PDGFD: variants seen among roughly 807,000 people sequenced by gnomAD.
PDGFD encodes the protein platelet derived growth factor D, also known as platelet-derived growth factor D.
In PDGFD, 30 loss-of-function variants were observed where a neutral mutation model predicts 44.7. The observed-to-expected ratio is 0.67, with a 90% CI of 0.50 to 0.91. PDGFD has a LOEUF of 0.91. Among genes scored for constraint, PDGFD ranks in the 40% least tolerant of loss-of-function variants. PDGFD has a pLI of 0.00. For synonymous variants in PDGFD, 173 were observed against 168.4 expected (o/e 1.03, Z -0.21); for missense variants, 445 against 457.8 (o/e 0.97, Z 0.25).
intron 1 of PDGFD, among the ~76,000 whole-genome samples, chr11:104,120,417 A>T (rs1861760873): frequency 6.6e-6 from 1 of 151,882 alleles, no homozygotes. Flanking sequence ...CTAGTTTAAA[A>T]TTGTCATTCC....
At chr11:104,055,770 A>G (rs1183576557) in intron 1 of PDGFD, among the ~76,000 whole-genome samples, 1 of 152,166 alleles carries the variant, frequency 6.6e-6, no homozygotes, top group African/African-American at 2.4e-5. Flanking sequence ...CTAATGTGCT[A>G]TAGAAATTAC....
intron 1 of PDGFD, among the ~76,000 whole-genome samples, chr11:104,032,192 C>CA (rs1253991357): frequency 4.6e-5 from 7 of 151,166 alleles, no homozygotes; most frequent in East Asian, 1.9e-4. Flanking sequence ...ACAACAACAA[C>CA]AACAAAAATA....
At chr11:104,035,561 C>CTTTTTTTTTTTT (rs3050598) in intron 1 of PDGFD, among the ~76,000 whole-genome samples, 2 of 115,286 alleles carry the variant, frequency 1.7e-5, no homozygotes. Context: ...ACTTCTTTTT[C>CTTTTTTTTTTTT]TTTTTTTTTT....
intron 3 of PDGFD, among the ~76,000 whole-genome samples, chr11:103,961,184 A>C (rs1018929606): frequency 9.2e-5 from 14 of 152,314 alleles, no homozygotes; most frequent in African/African-American, 3.4e-4. Context: ...CATTCAATAA[A>C]TAGTGTTGCA....
At chr11:103,985,286 C>G (rs1253210318) in intron 3 of PDGFD, among the ~76,000 whole-genome samples, 1 of 150,304 alleles carries the variant, frequency 6.7e-6, no homozygotes, top group East Asian at 1.9e-4. Flanking sequence ...ATTGTAACCT[C>G]AAACTTGGGC....
intron 1 of PDGFD, among the ~76,000 whole-genome samples, chr11:104,086,399 C>T (rs1861131542): frequency 6.6e-6 from 1 of 152,106 alleles, no homozygotes; most frequent in South Asian, 2.1e-4. Context: ...TTTTTTTCCC[C>T]AGCTTCTTCC....
chr11:103,952,600 T>A (rs1858776122), intron 3 of PDGFD, among the ~76,000 whole-genome samples: 1 of 152,156 alleles, frequency 6.6e-6, no homozygotes, highest in Non-Finnish European at 1.5e-5. Flanking sequence ...CCAAATGAGT[T>A]GTCCAGCATC....
intron 3 of PDGFD, among the ~76,000 whole-genome samples, chr11:103,990,929 G>C (rs2134359026): frequency 6.6e-6 from 1 of 152,132 alleles, no homozygotes; most frequent in Admixed American, 6.6e-5. Flanking sequence ...CAAGAGGTCA[G>C]GAGGTCGAGA....
intron 1 of PDGFD, among the ~76,000 whole-genome samples, chr11:104,003,472 A>G (rs1859650320): frequency 6.6e-6 from 1 of 152,194 alleles, no homozygotes; most frequent in South Asian, 2.1e-4. Flanking sequence ...TAGGAACTAG[A>G]GGTGAGGGTA....
At chr11:103,988,021 T>C (rs1264447000) in intron 3 of PDGFD, among the ~76,000 whole-genome samples, 18 of 152,184 alleles carry the variant, frequency 1.2e-4, no homozygotes, top group Admixed American at 1.2e-3. Context: ...GACATATTTG[T>C]TGAATTTATA....
At chr11:104,038,681 C>G (rs1322006783) in intron 1 of PDGFD, 1 of 166,978 alleles carries the variant, frequency 6.0e-6, no homozygotes, top group East Asian at 1.9e-4. Context: ...TCCAAGGATG[C>G]TACATTAATT....
chr11:104,073,628 A>G (rs1860911337), intron 1 of PDGFD, among the ~76,000 whole-genome samples: 1 of 152,212 alleles, frequency 6.6e-6, no homozygotes, highest in Non-Finnish European at 1.5e-5. Context: ...TAATGACTCT[A>G]CTGAAGGTTT....
intron 6 of PDGFD, among the ~76,000 whole-genome samples, chr11:103,915,196 C>T (rs1212874163): frequency 6.6e-6 from 1 of 152,164 alleles, no homozygotes; most frequent in Non-Finnish European, 1.5e-5. Context: ...ATTTAGAAAA[C>T]CCCATCGTCT....
intron 1 of PDGFD, among the ~76,000 whole-genome samples, chr11:104,116,310 T>C (rs1861637046): frequency 6.6e-6 from 1 of 152,116 alleles, no homozygotes; most frequent in Admixed American, 6.6e-5. Flanking sequence ...CTTATGCTTT[T>C]GTTTGCTTTG....
chr11:103,914,015 G>T (rs1858072806), intron 6 of PDGFD, among the ~76,000 whole-genome samples: 1 of 118,082 alleles, frequency 8.5e-6, no homozygotes. Flanking sequence ...TTGGAAGTAG[G>T]GGTCAGGGGG....
intron 1 of PDGFD, among the ~76,000 whole-genome samples, chr11:104,092,423 A>C (rs1415331999): frequency 2.0e-5 from 3 of 151,870 alleles, no homozygotes; most frequent in African/African-American, 7.2e-5. Flanking sequence ...CCGAGGACCT[A>C]CTCCCTCACC....
chr11:103,930,955 A>G (rs1432741798), intron 5 of PDGFD, among the ~76,000 whole-genome samples: 1 of 151,568 alleles, frequency 6.6e-6, no homozygotes, highest in Non-Finnish European at 1.5e-5. Flanking sequence ...GCCAATGCAC[A>G]CTCTTCCTTT....
intron 1 of PDGFD, among the ~76,000 whole-genome samples, chr11:104,120,282 T>C (rs921859910): frequency 6.6e-6 from 1 of 151,826 alleles, no homozygotes; most frequent in African/African-American, 2.4e-5. Context: ...GGTTTCCAAT[T>C]ATCCTTTCAG....
chr11:104,034,803 T>C (rs992924456), intron 1 of PDGFD, among the ~76,000 whole-genome samples: 1 of 151,946 alleles, frequency 6.6e-6, no homozygotes, highest in Non-Finnish European at 1.5e-5. Flanking sequence ...CCACAACGCC[T>C]GGCTAATTTT....
Sources: gnomAD v4.1 joint callset for allele counts (sites outside exome capture counted in the v4.1 genomes callset) on GRCh38, gnomAD v4.1.1 for gene constraint, MANE v1.5 for transcripts, NCBI Gene and HGNC (gene_info 2026-07-23, HGNC 2026-07-21) for gene names.